CNTNAP2: variants seen among roughly 807,000 people sequenced by gnomAD.
The protein encoded by CNTNAP2 is contactin-associated protein-like 2.
CNTNAP2 carries 98 observed loss-of-function variants against 155.2 expected under a neutral mutation model. That is an observed-to-expected ratio of 0.63 (90% CI 0.54 to 0.75). CNTNAP2 has a LOEUF of 0.75. Ranked by LOEUF, CNTNAP2 falls within the 30% of genes least tolerant of loss-of-function variation. The pLI is 0.00. For missense variants in CNTNAP2, 1,727 were observed against 1,688.1 expected (o/e 1.02, Z -0.40); for synonymous variants, 651 against 631.2 (o/e 1.03, Z -0.47).
intron 10 of CNTNAP2, among the ~76,000 whole-genome samples, chr7:147,452,457 T>C (rs1797849085): frequency 6.6e-6 from 1 of 152,162 alleles, no homozygotes; most frequent in African/African-American, 2.4e-5. Flanking sequence ...AAATGATTTC[T>C]AAAACCACCT....
At chr7:148,211,755 C>G (rs926064527) in intron 18 of CNTNAP2, among the ~76,000 whole-genome samples, 1 of 152,162 alleles carries the variant, frequency 6.6e-6, no homozygotes, top group Non-Finnish European at 1.5e-5. Context: ...TACTAATATA[C>G]AGTGGCACTC....
chr7:146,780,004 A>T (rs141009160), intron 2 of CNTNAP2, among the ~76,000 whole-genome samples: 104 of 152,276 alleles, frequency 6.8e-4, no homozygotes, highest in African/African-American at 2.3e-3. Flanking sequence ...TTATACTAGA[A>T]TGATTTATAA....
chr7:147,835,852 G>A (rs76003068), intron 13 of CNTNAP2, among the ~76,000 whole-genome samples: 4,950 of 152,294 alleles, frequency 0.033, 133 homozygotes, highest in Non-Finnish European at 0.052. Context: ...TGTGAAGAGA[G>A]AGGAAGAGAT....
chr7:147,904,334 C>A (rs938308025), intron 14 of CNTNAP2, among the ~76,000 whole-genome samples: 1 of 152,124 alleles, frequency 6.6e-6, no homozygotes, highest in Non-Finnish European at 1.5e-5. Context: ...TTTTGTTCTG[C>A]CCCGCAGTGA....
chr7:147,093,038 C>T (rs1237021708), intron 4 of CNTNAP2, among the ~76,000 whole-genome samples: 13 of 150,014 alleles, frequency 8.7e-5, no homozygotes, highest in African/African-American at 2.0e-4. Flanking sequence ...CTGGCTAACA[C>T]GGTGAAACCC....
chr7:148,247,191 T>A lies in CNTNAP2; in HGVS notation c.3381+17412T>A, dbSNP rs375467257. ...TCCTTATTGGCCATGAGTCCAACCC[T>A]TGACCAGTCTCTGCTTATATTACTA... is the stretch of plus-strand genomic sequence containing the variant. On this transcript the variant is annotated intron_variant, in intron 20 of 23. Transcript: ENST00000361727. Among the ~76,000 whole-genome samples, 240 of 152,352 alleles carry A rather than the reference T, an allele frequency of 1.6e-3. 6 individuals are homozygous for A. In the South Asian group the frequency reaches 0.049, roughly 31 times the overall value.
chr7:148,047,928 T>A (rs1346157470), intron 15 of CNTNAP2, among the ~76,000 whole-genome samples: 2 of 150,440 alleles, frequency 1.3e-5, no homozygotes, highest in African/African-American at 4.9e-5. Flanking sequence ...GTGCCTTACT[T>A]TTTTTTTTGT....
intron 9 of CNTNAP2, among the ~76,000 whole-genome samples, chr7:147,304,419 C>G (rs1406729781): frequency 1.3e-5 from 2 of 152,174 alleles, no homozygotes; most frequent in African/African-American, 4.8e-5. Context: ...AATAAGCTTT[C>G]TGATACAGGC....
intron 13 of CNTNAP2, among the ~76,000 whole-genome samples, chr7:147,894,532 G>A (rs1325736077): frequency 1.3e-5 from 2 of 152,182 alleles, no homozygotes; most frequent in African/African-American, 4.8e-5. Flanking sequence ...TTCCTCAGCT[G>A]AAGAGCCCCC....
chr7:147,974,302 CTCA>C (rs1332116766), intron 14 of CNTNAP2, among the ~76,000 whole-genome samples: 1 of 152,098 alleles, frequency 6.6e-6, no homozygotes, highest in African/African-American at 2.4e-5. Flanking sequence ...TACACTGTCA[CTCA>C]TCATATATAA....
At chr7:146,228,667 T>A (rs1799334526) in intron 1 of CNTNAP2, among the ~76,000 whole-genome samples, 1 of 152,202 alleles carries the variant, frequency 6.6e-6, no homozygotes, top group African/African-American at 2.4e-5. Flanking sequence ...CTCTCTTAGA[T>A]AAATGTGATT....
At chr7:146,430,779 A>G (rs1011585701) in intron 1 of CNTNAP2, among the ~76,000 whole-genome samples, 4 of 152,112 alleles carry the variant, frequency 2.6e-5, no homozygotes, top group African/African-American at 9.6e-5. Context: ...TAAATACTCA[A>G]CTGTGTGTAT....
intron 1 of CNTNAP2, among the ~76,000 whole-genome samples, chr7:146,407,767 ATCT>A (rs1444141458): frequency 1.3e-5 from 2 of 151,960 alleles, no homozygotes; most frequent in East Asian, 1.9e-4. Context: ...TGTAATGTGG[ATCT>A]TCTTCTACGT....
chr7:147,044,627 G>T (rs968357972), intron 4 of CNTNAP2, among the ~76,000 whole-genome samples: 1 of 152,070 alleles, frequency 6.6e-6, no homozygotes, highest in African/African-American at 2.4e-5. Context: ...ATATTTTAAA[G>T]CTCCCTTGTT....
At chr7:147,634,572 C>T (rs1795145726) in intron 12 of CNTNAP2, among the ~76,000 whole-genome samples, 1 of 152,014 alleles carries the variant, frequency 6.6e-6, no homozygotes, top group African/African-American at 2.4e-5. Flanking sequence ...CCAAAAACCA[C>T]CTGTACCCCC....
chr7:146,716,213 GA>G (rs571237905), intron 1 of CNTNAP2, among the ~76,000 whole-genome samples: 2,274 of 113,010 alleles, frequency 0.02, 33 homozygotes, highest in Middle Eastern at 0.08. Flanking sequence ...AAGTCTGCAG[GA>G]AAAAAAAAAA....
chr7:147,906,757 G>A (rs1334080340), intron 14 of CNTNAP2, among the ~76,000 whole-genome samples: 1 of 152,192 alleles, frequency 6.6e-6, no homozygotes, highest in African/African-American at 2.4e-5. Context: ...ACGGCGCCCA[G>A]TCACAAGATT....
intron 13 of CNTNAP2, among the ~76,000 whole-genome samples, chr7:147,702,188 C>T (rs185315366): frequency 4.6e-5 from 7 of 151,052 alleles, no homozygotes; most frequent in African/African-American, 7.3e-5. Flanking sequence ...TGACATCTCT[C>T]GTCGGATCCA....
intron 21 of CNTNAP2, among the ~76,000 whole-genome samples, chr7:148,322,127 C>T (rs888218831): frequency 6.6e-6 from 1 of 151,704 alleles, no homozygotes; most frequent in South Asian, 2.1e-4. Flanking sequence ...TTCACCATGT[C>T]GGCCAGGCTG....
Sources: gnomAD v4.1 joint callset for allele counts (sites outside exome capture counted in the v4.1 genomes callset) on GRCh38, gnomAD v4.1.1 for gene constraint, MANE v1.5 for transcripts, NCBI Gene and HGNC (gene_info 2026-07-23, HGNC 2026-07-21) for gene names.